EMC2: variants seen among roughly 807,000 people sequenced by gnomAD.
The protein encoded by EMC2 is ER membrane protein complex subunit 2, also known as TPR repeat protein 35.
EMC2 carries 37 observed loss-of-function variants against 51.6 expected under a neutral mutation model. That is an observed-to-expected ratio of 0.72 (90% CI 0.55 to 0.94). The LOEUF (loss-of-function observed/expected upper bound fraction) is 0.94. EMC2 is among the 40% of genes least tolerant of loss of function. EMC2 has a pLI of 0.00. For missense variants in EMC2, 359 were observed against 350.9 expected, an observed-to-expected ratio of 1.02 and a Z score of -0.18; for synonymous variants, 131 against 112.4, an observed-to-expected ratio of 1.17 and a Z score of -1.04.
At chr8:108,452,175 T>C (rs1282335887) in intron 3 of EMC2, among the ~76,000 whole-genome samples, 2 of 152,208 alleles carry the variant, frequency 1.3e-5, no homozygotes, top group Non-Finnish European at 2.9e-5. Context: ...TTTAGTCAAG[T>C]TGATGAGTCA....
At chr8:108,456,909 G>C (rs1485252317) in intron 5 of EMC2, among the ~76,000 whole-genome samples, 1 of 152,088 alleles carries the variant, frequency 6.6e-6, no homozygotes, top group Non-Finnish European at 1.5e-5. Context: ...AAACCAGGTT[G>C]AGTTTTTTTC....
intron 5 of EMC2, among the ~76,000 whole-genome samples, chr8:108,459,001 ATC>A (rs1405650621): frequency 1.3e-5 from 2 of 152,132 alleles, no homozygotes; most frequent in Middle Eastern, 3.2e-3. Context: ...ACCCTAAATC[ATC>A]TCTCTCAAGT....
At position 108,443,646 on chromosome 8, in the gene EMC2, A is replaced by G. The variant is rs752049009; in HGVS notation, c.-13A>G. ...CCCGCCCTCTCACCCCGCTGCCTCTAGGTTCTGGGAAGATGGCGAAGGTCT... is the reference window on the plus strand; with the variant it reads ...CCCGCCCTCTCACCCCGCTGCCTCTGGGTTCTGGGAAGATGGCGAAGGTCT... On this transcript the variant is annotated 5_prime_UTR_variant, in exon 1 of 11. Coordinates refer to ENST00000220853, the MANE Select transcript of EMC2 (RefSeq NM_014673.5). 6.2e-7 allele frequency: 1 copy of G among 1,607,268 alleles called. No homozygotes were observed. The highest frequency in any genetic ancestry group is 8.5e-7 in the Non-Finnish European group (1 of 1,176,652).
intron 1 of EMC2, among the ~76,000 whole-genome samples, chr8:108,449,363 C>T (rs1219149426): frequency 6.6e-6 from 1 of 151,880 alleles, no homozygotes. Context: ...ATCTCTGCCT[C>T]CTGGGTTCAA....
chr8:108,459,105 A>T (rs193144979), intron 5 of EMC2, among the ~76,000 whole-genome samples: 64 of 152,294 alleles, frequency 4.2e-4, no homozygotes, highest in Non-Finnish European at 7.4e-4. Flanking sequence ...GTTTCCAACA[A>T]GTTCCTCATC....
At position 108,453,159 on chromosome 8, in the gene EMC2, T is replaced by G. The variant is rs1233045652; in HGVS notation, c.305+12T>G. The G allele has an allele frequency of 6.5e-7, 1 of 1,537,198 alleles. No individual in the cohort carries two copies. Among genetic ancestry groups the G allele is most frequent in the Non-Finnish European group, 8.9e-7 (1 of 1,124,358 alleles). ...GAAGCCATGGAAAGGTAACCAAATC[T>G]TATCAGCTGGCAGGCATGGAGCCTG... On this transcript the variant is annotated intron_variant, in intron 4 of 10. Coordinates refer to ENST00000220853, the MANE Select transcript of EMC2 (RefSeq NM_014673.5).
intron 3 of EMC2, among the ~76,000 whole-genome samples, chr8:108,452,653 G>C (rs944493411): frequency 6.6e-6 from 1 of 152,150 alleles, no homozygotes; most frequent in South Asian, 2.1e-4. Flanking sequence ...CTAGGAACTT[G>C]AGATGACTAC....
At position 108,487,523 on chromosome 8, in the gene EMC2, TCAA is replaced by T. The variant is rs1182604627; in HGVS notation, c.*929_*931del. On this transcript the variant is annotated 3_prime_UTR_variant, in exon 11 of 11. Coordinates refer to ENST00000220853, the MANE Select transcript of EMC2 (RefSeq NM_014673.5). ...TACCTTCAACAGTATTTGACATGTTTCAACAAAATAGAAGAGACTTGAAAGTTA... is the reference window on the plus strand; with the variant it reads ...TACCTTCAACAGTATTTGACATGTTTCAAAATAGAAGAGACTTGAAAGTTA... Among the ~76,000 whole-genome samples the T allele has an allele frequency of 2.6e-5, 4 of 152,038 alleles. No homozygotes were observed. Among genetic ancestry groups the T allele is most frequent in the Non-Finnish European group, 4.4e-5 (3 of 67,974 alleles).
intron 3 of EMC2, among the ~76,000 whole-genome samples, chr8:108,451,972 A>G (rs1819035076): frequency 6.6e-6 from 1 of 152,224 alleles, no homozygotes; most frequent in Non-Finnish European, 1.5e-5. Flanking sequence ...TGTATTTCCA[A>G]TTCATATTAA....
chr8:108,448,965 C>T (rs1489799854), intron 1 of EMC2, among the ~76,000 whole-genome samples: 4 of 151,976 alleles, frequency 2.6e-5, no homozygotes, highest in Non-Finnish European at 5.9e-5. Context: ...CTTTAAAGTT[C>T]TCTAGTATGA....
intron 5 of EMC2, among the ~76,000 whole-genome samples, chr8:108,456,316 G>C (rs1819153258): frequency 8.8e-6 from 1 of 113,166 alleles, no homozygotes; most frequent in African/African-American, 3.6e-5. Flanking sequence ...CTGGGCGACA[G>C]AGCAAGACTT....
At chr8:108,448,561 T>G (rs892439159) in intron 1 of EMC2, among the ~76,000 whole-genome samples, 2 of 152,208 alleles carry the variant, frequency 1.3e-5, no homozygotes, top group African/African-American at 4.8e-5. Flanking sequence ...TCTCTTTCTT[T>G]GCCTGCTGCC....
intron 2 of EMC2, 48 bp downstream of exon 2, chr8:108,449,984 GC>G (rs749001583): frequency 4.5e-6 from 3 of 664,052 alleles, no homozygotes; most frequent in African/African-American, 1.9e-5. Flanking sequence ...TCATTCATGG[GC>G]CTTTTTTTTT....
chr8:108,454,182 T>G (rs1000684376), intron 4 of EMC2, among the ~76,000 whole-genome samples: 2 of 152,130 alleles, frequency 1.3e-5, no homozygotes, highest in Non-Finnish European at 2.9e-5. Flanking sequence ...GTCTTTTCAT[T>G]GGTATACTTA....
chr8:108,457,329 T>C (rs914523015), intron 5 of EMC2, among the ~76,000 whole-genome samples: 11 of 82,922 alleles, frequency 1.3e-4, no homozygotes, highest in South Asian at 3.8e-4. Context: ...TGCGTGTGTG[T>C]GCGTGTGTGT....
At chr8:108,472,903 CAG>C (rs1802226059) in intron 7 of EMC2, among the ~76,000 whole-genome samples, 1 of 151,874 alleles carries the variant, frequency 6.6e-6, no homozygotes, top group South Asian at 2.1e-4. Context: ...CTTTAAGAGA[CAG>C]AGTCTACAAC....
chr8:108,477,618 C>G (rs913050997), intron 9 of EMC2, among the ~76,000 whole-genome samples: 2 of 151,842 alleles, frequency 1.3e-5, no homozygotes, highest in Non-Finnish European at 2.9e-5. Flanking sequence ...AAAAATGAAA[C>G]AATTTTTAAA....
chr8:108,483,090 T>A (rs182604063), intron 10 of EMC2, among the ~76,000 whole-genome samples: 1 of 152,240 alleles, frequency 6.6e-6, no homozygotes, highest in East Asian at 1.9e-4. Flanking sequence ...CTATGCAAAC[T>A]TGGATAAATT....
intron 10 of EMC2, among the ~76,000 whole-genome samples, chr8:108,483,250 T>C (rs1586195303): frequency 6.6e-6 from 1 of 152,182 alleles, no homozygotes; most frequent in Non-Finnish European, 1.5e-5. Flanking sequence ...TATTGAGATA[T>C]AATTTACATG....
Sources: allele counts gnomAD v4.1 joint callset (sites outside exome capture counted in the v4.1 genomes callset), GRCh38; gene constraint gnomAD v4.1.1; transcripts MANE v1.5; gene names NCBI Gene and HGNC (gene_info 2026-07-23, HGNC 2026-07-21).